PTPN9: variants seen among roughly 807,000 people sequenced by gnomAD.
PTPN9 encodes tyrosine-protein phosphatase non-receptor type 9.
PTPN9 carries 26 observed loss-of-function variants against 69.8 expected under a neutral mutation model. The observed-to-expected ratio is 0.37, with a 90% CI of 0.27 to 0.52. PTPN9 has a LOEUF of 0.52. Ranked by LOEUF, PTPN9 falls within the 20% of genes least tolerant of loss-of-function variation. The pLI is 0.91. For synonymous variants in PTPN9, 274 were observed against 272.5 expected, an observed-to-expected ratio of 1.01 and a Z score of -0.05; for missense variants, 549 against 740.3, an observed-to-expected ratio of 0.74 and a Z score of 3.00.
At chr15:75,503,270 G>T (rs1395733479) in intron 7 of PTPN9, among the ~76,000 whole-genome samples, 1 of 145,934 alleles carries the variant, frequency 6.9e-6, no homozygotes, top group Non-Finnish European at 1.5e-5. Flanking sequence ...GAGATGTGGG[G>T]AGCGCCTCTG....
At position 75,517,398 on chromosome 15, in the gene PTPN9, A is replaced by C; in HGVS notation, c.423-34T>G. The C allele has an allele frequency of 3.8e-6, 6 of 1,564,580 alleles. No homozygotes were observed. The South Asian group carries it at 6.7e-5, about 18-fold the overall frequency. ...CAACCATTGAACAAAAACATTTGTA[A>C]GTAAGCAGATGGATGAGGCAGGTTG... On this transcript the variant is annotated intron_variant, in intron 4 of 12. Coordinates refer to ENST00000618819, the MANE Select transcript of PTPN9 (RefSeq NM_002833.4).
At position 75,472,911 on chromosome 15, in the gene PTPN9, C is replaced by T. The variant is rs111611335; in HGVS notation, c.1208+778G>A. On this transcript the variant is annotated intron_variant, in intron 10 of 12. Coordinates refer to ENST00000618819, the MANE Select transcript of PTPN9 (RefSeq NM_002833.4). ...TACAGTGAGCCAAGATCGTGCCACACTGCACTCCAGCCTGGTGGCAGAGTG... is the reference window on the plus strand; with the variant it reads ...TACAGTGAGCCAAGATCGTGCCACATTGCACTCCAGCCTGGTGGCAGAGTG... Among the ~76,000 whole-genome samples, 858 of 151,586 alleles carry T rather than the reference C, an allele frequency of 5.7e-3. 7 individuals are homozygous for T. Among genetic ancestry groups the T allele is most frequent in the African/African-American group, 0.019 (797 of 41,282 alleles).
At chr15:75,516,741 CTTT>C (rs34906409) in intron 5 of PTPN9, among the ~76,000 whole-genome samples, 7 of 87,938 alleles carry the variant, frequency 8.0e-5, no homozygotes, top group African/African-American at 1.6e-4. Flanking sequence ...TGTTCCTGTG[CTTT>C]TTTTTTTTTT....
At chr15:75,496,660 CTAATTTTTG>C (rs1249824043) in intron 7 of PTPN9, among the ~76,000 whole-genome samples, 4 of 151,982 alleles carry the variant, frequency 2.6e-5, no homozygotes, top group African/African-American at 4.8e-5. Flanking sequence ...CCACACCAAG[CTAATTTTTG>C]TAATTTTTGT....
chr15:75,563,604 T>C (rs1184881072), intron 1 of PTPN9, among the ~76,000 whole-genome samples: 2 of 152,216 alleles, frequency 1.3e-5, no homozygotes, highest in African/African-American at 4.8e-5. Context: ...GGTTGGTGTA[T>C]ATGTACCACA....
intron 8 of PTPN9, among the ~76,000 whole-genome samples, chr15:75,482,060 T>A (rs1419108512): frequency 1.4e-5 from 2 of 147,588 alleles, no homozygotes; most frequent in South Asian, 4.3e-4. Context: ...ATGGTTGCCG[T>A]GTCTGTGTAG....
intron 1 of PTPN9, among the ~76,000 whole-genome samples, chr15:75,534,739 G>A (rs899204175): frequency 1.2e-4 from 18 of 150,558 alleles, no homozygotes; most frequent in Admixed American, 1.1e-3. Flanking sequence ...TTGGGAGGCC[G>A]AGGCAGGTGG....
intron 1 of PTPN9, among the ~76,000 whole-genome samples, chr15:75,550,223 T>C (rs1332003073): frequency 6.7e-6 from 1 of 148,520 alleles, no homozygotes; most frequent in East Asian, 2.1e-4. Flanking sequence ...TGGAGTGCAA[T>C]GGCGCTATCT....
At chr15:75,481,942 C>G (rs933150811) in intron 8 of PTPN9, among the ~76,000 whole-genome samples, 1 of 146,334 alleles carries the variant, frequency 6.8e-6, no homozygotes, top group Non-Finnish European at 1.5e-5. Flanking sequence ...CGGCCACCAC[C>G]CCGTCTGGGA....
At chr15:75,521,960 C>G (rs1253851887) in intron 4 of PTPN9, among the ~76,000 whole-genome samples, 1 of 152,150 alleles carries the variant, frequency 6.6e-6, no homozygotes, top group East Asian at 1.9e-4. Context: ...CCCATCTCAG[C>G]CAACCAAAGT....
intron 1 of PTPN9, among the ~76,000 whole-genome samples, chr15:75,572,247 G>A (rs2075151494): frequency 6.6e-6 from 1 of 151,682 alleles, no homozygotes; most frequent in African/African-American, 2.4e-5. Context: ...CATGAGAATC[G>A]CTTGAACCCA....
intron 1 of PTPN9, among the ~76,000 whole-genome samples, chr15:75,544,762 A>G (rs1006408280): frequency 6.6e-6 from 1 of 152,136 alleles, no homozygotes; most frequent in Non-Finnish European, 1.5e-5. Flanking sequence ...GGAAAAAAAA[A>G]TTTAAAGAGC....
intron 1 of PTPN9, among the ~76,000 whole-genome samples, chr15:75,544,160 G>A (rs1028811184): frequency 1.3e-5 from 2 of 152,152 alleles, no homozygotes; most frequent in African/African-American, 4.8e-5. Context: ...ATTGTCATAG[G>A]AGAAAATTCA....
At chr15:75,525,852 A>T (rs1030557254) in intron 2 of PTPN9, among the ~76,000 whole-genome samples, 5 of 151,876 alleles carry the variant, frequency 3.3e-5, no homozygotes, top group African/African-American at 9.7e-5. Context: ...TGAGCTCAGG[A>T]GGCAGAGATC....
chr15:75,554,399 G>C (rs1428477382), intron 1 of PTPN9, among the ~76,000 whole-genome samples: 2 of 151,888 alleles, frequency 1.3e-5, no homozygotes, highest in Non-Finnish European at 2.9e-5. Flanking sequence ...TCTCCATGTT[G>C]GTCAGGCTGG....
chr15:75,528,152 G>A (rs1441911314), intron 1 of PTPN9, among the ~76,000 whole-genome samples: 1 of 152,140 alleles, frequency 6.6e-6, no homozygotes, highest in Non-Finnish European at 1.5e-5. Context: ...CTAGTACCCA[G>A]AGTCAATAAC....
At chr15:75,481,339 TG>T (rs774833041) in intron 8 of PTPN9, among the ~76,000 whole-genome samples, 2 of 35,506 alleles carry the variant, frequency 5.6e-5, no homozygotes, top group Non-Finnish European at 1.2e-4. Context: ...GGGAGGGAGG[TG>T]GGGGGGGGTC....
rs915405495 is a variant in PTPN9 at position 75,468,591 on chromosome 15, A to G, written c.*178T>C. 1.1e-5 allele frequency: 6 copies of G among 566,164 alleles called. No individual in the cohort carries two copies. Among genetic ancestry groups the G allele is most frequent in the Admixed American group, 9.0e-5 (3 of 33,392 alleles). The allele number at this position is 566,164 out of a possible 1,614,324, so 35.1% of individuals were successfully genotyped here. On this transcript the variant is annotated 3_prime_UTR_variant, in exon 13 of 13. Coordinates refer to ENST00000618819, the MANE Select transcript of PTPN9 (RefSeq NM_002833.4). ...TTGCTACTGGCCCTTTCTAGTGGCA[A>G]TTTCACCACATTTATCTAGCCAAAG...
intron 1 of PTPN9, among the ~76,000 whole-genome samples, chr15:75,543,145 C>T (rs999145295): frequency 3.3e-5 from 5 of 151,782 alleles, no homozygotes; most frequent in African/African-American, 1.2e-4. Context: ...TGATGTTTTC[C>T]AGTTTCATCC....
Sources: allele counts gnomAD v4.1 joint callset (sites outside exome capture counted in the v4.1 genomes callset), GRCh38; gene constraint gnomAD v4.1.1; transcripts MANE v1.5; gene names NCBI Gene and HGNC (gene_info 2026-07-23, HGNC 2026-07-21).